Variants in ROBO2 observed in about 807,000 individuals in gnomAD.
ROBO2 encodes the protein roundabout homolog 2.
In ROBO2, 53 loss-of-function variants were observed where a neutral mutation model predicts 160.8. The ratio of observed to expected loss-of-function variants is 0.33; its 90% confidence interval spans 0.26 to 0.41. The LOEUF (loss-of-function observed/expected upper bound fraction) is 0.41. Among genes scored for constraint, ROBO2 ranks in the 10% least tolerant of loss-of-function variants. The pLI, the probability that ROBO2 is intolerant of heterozygous loss-of-function variation, is 1.00. For synonymous variants in ROBO2, 664 were observed against 611.7 expected, an observed-to-expected ratio of 1.09 and a Z score of -1.26; for missense variants, 1,577 against 1,722.4, an observed-to-expected ratio of 0.92 and a Z score of 1.49.
intron 8 of ROBO2, 74 bp from the exon 10 acceptor site, chr3:77,557,870 C>A: frequency 1.7e-6 from 2 of 1,176,996 alleles, no homozygotes; most frequent in Non-Finnish European, 2.6e-6. Context: ...TTTAACCTTA[C>A]TTTCAGTGTC....
chr3:76,975,459 C>T (rs951632960), intron 2 of ROBO2, among the ~76,000 whole-genome samples: 3 of 152,092 alleles, frequency 2.0e-5, no homozygotes, highest in Admixed American at 6.5e-5. Flanking sequence ...GAGCCGAGAT[C>T]GCGCCATTGC....
chr3:76,481,894 G>C (rs1179787034), intron 2 of ROBO2, among the ~76,000 whole-genome samples: 2 of 152,050 alleles, frequency 1.3e-5, no homozygotes, highest in Non-Finnish European at 2.9e-5. Flanking sequence ...CTTCATCCAG[G>C]CAGAATACAA....
At chr3:77,270,847 G>A (rs1369871152) in intron 2 of ROBO2, among the ~76,000 whole-genome samples, 2 of 151,940 alleles carry the variant, frequency 1.3e-5, no homozygotes, top group African/African-American at 2.4e-5. Flanking sequence ...GGAGGCTGAG[G>A]CAGCAGAATC....
At chr3:77,376,717 T>A (rs2072730988) in intron 2 of ROBO2, among the ~76,000 whole-genome samples, 1 of 152,152 alleles carries the variant, frequency 6.6e-6, no homozygotes, top group African/African-American at 2.4e-5. Context: ...TTAAGCATCT[T>A]TTACCCCTGC....
intron 2 of ROBO2, among the ~76,000 whole-genome samples, chr3:77,137,242 T>C (rs1426785334): frequency 6.6e-6 from 1 of 152,220 alleles, no homozygotes; most frequent in Non-Finnish European, 1.5e-5. Context: ...TTATTTTTTT[T>C]TGAGACAGGG....
chr3:76,207,645 C>T (rs1003860740), intron 2 of ROBO2, among the ~76,000 whole-genome samples: 1 of 152,106 alleles, frequency 6.6e-6, no homozygotes, highest in Non-Finnish European at 1.5e-5. Context: ...GACACAATGC[C>T]TACCCTCAAG....
intron 2 of ROBO2, among the ~76,000 whole-genome samples, chr3:76,155,680 G>C (rs1408017704): frequency 6.6e-6 from 1 of 152,100 alleles, no homozygotes; most frequent in Non-Finnish European, 1.5e-5. Flanking sequence ...AAGTTTGCAC[G>C]TCTTTAACTA....
At chr3:77,051,129 C>A (rs761140365) in intron 1 of ROBO2, among the ~76,000 whole-genome samples, 2 of 152,054 alleles carry the variant, frequency 1.3e-5, no homozygotes, top group African/African-American at 4.8e-5. Flanking sequence ...CCAGATTTAA[C>A]TGGGTTATTC....
chr3:77,252,766 C>A (rs2090482123), intron 2 of ROBO2, among the ~76,000 whole-genome samples: 1 of 133,350 alleles, frequency 7.5e-6, no homozygotes, highest in Non-Finnish European at 1.6e-5. Context: ...CGAGATCGCG[C>A]CCCTGCACTC....
At chr3:77,578,098 A>T (rs1377235976) in intron 15 of ROBO2, among the ~76,000 whole-genome samples, 1 of 151,806 alleles carries the variant, frequency 6.6e-6, no homozygotes, top group African/African-American at 2.4e-5. Context: ...TGTGTAGAAT[A>T]TTTCACCTGA....
At chr3:77,164,587 G>A (rs80227772) in intron 2 of ROBO2, among the ~76,000 whole-genome samples, 3 of 134,702 alleles carry the variant, frequency 2.2e-5, no homozygotes, top group Admixed American at 1.4e-4. Context: ...GGTGAGGGGC[G>A]CCTCTGCCCG....
chr3:76,971,982 A>G (rs1052352377), intron 2 of ROBO2, among the ~76,000 whole-genome samples: 1 of 152,214 alleles, frequency 6.6e-6, no homozygotes, highest in African/African-American at 2.4e-5. Flanking sequence ...TTTTGATCAT[A>G]TCTAAATGGA....
chr3:77,459,936 G>T (rs2082068147), intron 2 of ROBO2, among the ~76,000 whole-genome samples: 1 of 136,250 alleles, frequency 7.3e-6, no homozygotes, highest in African/African-American at 2.6e-5. Context: ...TGTGATGGGG[G>T]TGGTGGAGTG....
At chr3:76,696,693 C>CTA (rs1468154135) in intron 2 of ROBO2, among the ~76,000 whole-genome samples, 1 of 152,198 alleles carries the variant, frequency 6.6e-6, no homozygotes, top group East Asian at 1.9e-4. Context: ...GGGTACAGAG[C>CTA]TATGATACGG....
At chr3:76,711,626 G>A (rs565509518) in intron 2 of ROBO2, among the ~76,000 whole-genome samples, 1 of 152,132 alleles carries the variant, frequency 6.6e-6, no homozygotes, top group Non-Finnish European at 1.5e-5. Flanking sequence ...AACGCCTAAC[G>A]TACAACAGAG....
intron 2 of ROBO2, among the ~76,000 whole-genome samples, chr3:76,903,467 T>G (rs1442844046): frequency 6.6e-6 from 1 of 152,092 alleles, no homozygotes; most frequent in Non-Finnish European, 1.5e-5. Flanking sequence ...TTGTTTTCAT[T>G]GATGATTCAG....
intron 2 of ROBO2, among the ~76,000 whole-genome samples, chr3:77,369,692 G>C (rs2071456536): frequency 6.6e-6 from 1 of 152,148 alleles, no homozygotes; most frequent in Non-Finnish European, 1.5e-5. Flanking sequence ...CCTGCAAGAG[G>C]ATACTGGAAC....
chr3:76,544,539 T>C (rs1382935869), intron 2 of ROBO2, among the ~76,000 whole-genome samples: 1 of 152,058 alleles, frequency 6.6e-6, no homozygotes, highest in Non-Finnish European at 1.5e-5. Flanking sequence ...TCTGCATCTA[T>C]CGCTACACTT....
intron 2 of ROBO2, among the ~76,000 whole-genome samples, chr3:76,929,402 G>T (rs11914899): frequency 1.3e-5 from 2 of 151,980 alleles, no homozygotes; most frequent in Non-Finnish European, 2.9e-5. Context: ...TTTCTCTTAT[G>T]CCCAGTACCT....
Sources: gnomAD v4.1 joint callset for allele counts (sites outside exome capture counted in the v4.1 genomes callset) on GRCh38, gnomAD v4.1.1 for gene constraint, MANE v1.5 for transcripts, NCBI Gene and HGNC (gene_info 2026-07-23, HGNC 2026-07-21) for gene names.